The following ENPEP variants were observed in gnomAD, a reference collection of about 807,000 sequenced individuals.
ENPEP encodes glutamyl aminopeptidase, also known as AP-A.
Under a neutral mutation model 114.5 loss-of-function variants are expected in ENPEP, and 103 were observed. That is an observed-to-expected ratio of 0.90 (90% confidence interval 0.77 to 1.06). The LOEUF (loss-of-function observed/expected upper bound fraction) is 1.06. ENPEP is among the 50% of genes least tolerant of loss of function. The pLI is 0.00. For synonymous variants in ENPEP, 420 were observed against 422.0 expected (o/e 1.00, Z 0.06); for missense variants, 1,196 against 1,161.3 (o/e 1.03, Z -0.43).
chr4:110,519,055 G>A (rs1209667880), intron 8 of ENPEP: 1 of 455,572 alleles, frequency 2.2e-6, no homozygotes, highest in African/African-American at 2.0e-5. Context: ...AGTGATTGCT[G>A]CTTCTCCCTT....
chr4:110,492,550 A>G (rs1724767006), intron 3 of ENPEP, among the ~76,000 whole-genome samples: 1 of 152,174 alleles, frequency 6.6e-6, no homozygotes, highest in South Asian at 2.1e-4. Flanking sequence ...GGGGATGTCC[A>G]CAGACCTTTT....
chr4:110,548,067 C>A, intron 13 of ENPEP, 109 bp from the exon 14 acceptor site: 1 of 1,186,964 alleles, frequency 8.4e-7, no homozygotes, highest in Non-Finnish European at 1.1e-6. Context: ...TCCTCATTAA[C>A]ATGGAATGCT....
Position 110,485,909 on chromosome 4 carries a change from A to G in ENPEP, c.645-2632A>G, listed in dbSNP as rs187988598. 2.0e-3 allele frequency among the ~76,000 whole-genome samples: 309 copies of G among 152,206 alleles called. 1 individual carries two copies. The highest frequency in any genetic ancestry group is 7.1e-3 in the African/African-American group (294 of 41,516). On this transcript the variant is annotated intron_variant, in intron 1 of 19. Coordinates refer to ENST00000265162, the MANE Select transcript of ENPEP (RefSeq NM_001977.4). ...TTAGAGACACATTGTGCTGGTTTGA[A>G]CTATTATTACTGATGCTTCCTTTGA... is the stretch of plus-strand genomic sequence containing the variant.
At chr4:110,485,593 G>A (rs1239555617) in intron 1 of ENPEP, among the ~76,000 whole-genome samples, 1 of 152,130 alleles carries the variant, frequency 6.6e-6, no homozygotes, top group Non-Finnish European at 1.5e-5. Context: ...CTAACCTAAT[G>A]ATGTCTTTTT....
At chr4:110,541,884 A>G (rs1461073334) in intron 11 of ENPEP, among the ~76,000 whole-genome samples, 2 of 152,174 alleles carry the variant, frequency 1.3e-5, no homozygotes, top group African/African-American at 4.8e-5. Context: ...ATATAGGAGT[A>G]ACGCTAACGA....
Position 110,548,306 on chromosome 4 carries a change from G to A in ENPEP, c.2131G>A (p.Glu711Lys). 3 of 1,599,332 alleles carry A rather than the reference G, an allele frequency of 1.9e-6. No homozygotes were observed. Among genetic ancestry groups the A allele is most frequent in the Non-Finnish European group, 2.6e-6 (3 of 1,173,632 alleles). Residue 711 changes from glutamate (E) to lysine (K), a missense_variant, in exon 14 of 20, where the codon GAG (glutamate) becomes AAG (lysine). By Grantham distance (56) the Glu-to-Lys change is moderately conservative. Coordinates refer to ENST00000265162, the MANE Select transcript of ENPEP (RefSeq NM_001977.4). ...YIISMFEDDK[E>K]LYPMIEEYFQ... The stretch of plus-strand genomic sequence containing the variant: ...CATTAGCATGTTTGAAGATGATAAA[G>A]AGCTATATCCTATGATTGAGGTGAC...
chr4:110,548,599 AT>A (rs1177384138), intron 14 of ENPEP, among the ~76,000 whole-genome samples: 1 of 152,082 alleles, frequency 6.6e-6, no homozygotes, highest in Non-Finnish European at 1.5e-5. Context: ...TTTACTTAAA[AT>A]ATACAACATT....
At chr4:110,560,989 T>C (rs1363368387) in intron 19 of ENPEP, among the ~76,000 whole-genome samples, 2 of 152,158 alleles carry the variant, frequency 1.3e-5, no homozygotes, top group African/African-American at 2.4e-5. Flanking sequence ...TTATGAGTCC[T>C]TAATAAGTGA....
intron 3 of ENPEP, chr4:110,506,229 AGAAAG>A (rs1725365436): frequency 6.5e-6 from 1 of 154,896 alleles, no homozygotes; most frequent in African/African-American, 2.4e-5. Context: ...AAAGAGAAAG[AGAAAG>A]AGCGCGCAAG....
rs1026814191 is a variant in ENPEP, at chr4:110,520,349, G to T, written c.1710G>T (p.Gln570His). 20 of 1,613,804 alleles carry T rather than the reference G, an allele frequency of 1.2e-5. No individual in the cohort carries two copies. In the Admixed American group the frequency reaches 1.5e-4, roughly 12 times the overall value. The change falls in exon 10 of 20, where the codon CAG becomes CAT. Residue 570 changes from glutamine (Q) to histidine (H), a missense_variant. Coordinates refer to ENST00000265162, the MANE Select transcript of ENPEP (RefSeq NM_001977.4). ...FLLDPRANPS[Q>H]PPSDLGYTWN... ...TGGACCCAAGAGCTAACCCTTCTCA[G>T]CCCCCTTCAGATCTTGGGTAAGGCT...
In ENPEP at chr4:110,532,275, T is replaced by C. The variant is rs1191830705; in HGVS notation, c.1807+998T>C. ...TAGCTGTCATGCCTGCAGCCTCCCA[T>C]ATGCCCAGCCCTAAGCAACCACTAA... On this transcript the variant is annotated intron_variant, in intron 11 of 19. Transcript: ENST00000265162. Among the ~76,000 whole-genome samples the C allele has an allele frequency of 2.6e-5, 4 of 152,314 alleles. No individual in the cohort carries two copies. The East Asian group carries it at 7.7e-4, about 29-fold the overall frequency.
chr4:110,544,102 C>A (rs544246102), intron 13 of ENPEP, among the ~76,000 whole-genome samples: 16 of 151,860 alleles, frequency 1.1e-4, no homozygotes, highest in Non-Finnish European at 2.1e-4. Context: ...GTCAGAAAAC[C>A]TTGACATATT....
Position 110,562,708 on chromosome 4 carries a change from G to T in ENPEP, c.*1150G>T, listed in dbSNP as rs1009852542. On this transcript the variant is annotated 3_prime_UTR_variant, in exon 20 of 20. Transcript: ENST00000265162. ...TCAATTTCATAGAAGCTGGTGGCAA[G>T]AATATGTTTAATATGGCACTTGATA... 7.2e-5 allele frequency: 11 copies of T among 152,108 alleles called. No homozygotes were observed. Among genetic ancestry groups the T allele is most frequent in the Admixed American group, 5.2e-4 (8 of 15,262 alleles). The allele number at this position is 152,108 out of a possible 1,614,324, so 9.4% of individuals were successfully genotyped here. A position where few individuals can be genotyped will look rare whatever the true frequency, so the allele number is the denominator to read the frequency against.
At chr4:110,515,529 T>C in intron 8 of ENPEP, 87 bp downstream of exon 8, 2 of 1,132,142 alleles carry the variant, frequency 1.8e-6, no homozygotes, top group Non-Finnish European at 2.6e-6. Flanking sequence ...TAATCAAGGA[T>C]AATTTCCTTT....
At chr4:110,488,447 G>T in intron 1 of ENPEP, 94 bp from the exon 2 acceptor site, 1 of 1,390,950 alleles carries the variant, frequency 7.2e-7, no homozygotes, top group Admixed American at 3.2e-5. Context: ...AGTTATAATT[G>T]CATAGCTGAT....
chr4:110,484,742 T>C (rs1202373443), intron 1 of ENPEP, among the ~76,000 whole-genome samples: 1 of 139,606 alleles, frequency 7.2e-6, no homozygotes, highest in Non-Finnish European at 1.5e-5. Context: ...ATTATATATA[T>C]TATATTATAT....
intron 18 of ENPEP, among the ~76,000 whole-genome samples, chr4:110,558,031 G>A (rs1468878593): frequency 4.0e-5 from 1 of 25,158 alleles, no homozygotes; most frequent in Non-Finnish European, 6.4e-5. Context: ...TATATGGTAG[G>A]ATTTTTTTTT....
chr4:110,503,217 C>T (rs890115600), intron 3 of ENPEP, among the ~76,000 whole-genome samples: 1 of 152,124 alleles, frequency 6.6e-6, no homozygotes, highest in African/African-American at 2.4e-5. Flanking sequence ...ATCCATGTCC[C>T]TACAAAGGAC....
At chr4:110,488,946 G>A (rs887568323) in intron 2 of ENPEP, among the ~76,000 whole-genome samples, 7 of 152,192 alleles carry the variant, frequency 4.6e-5, no homozygotes, top group African/African-American at 1.7e-4. Flanking sequence ...CTTGGGCTCT[G>A]CTTAGCTGCC....
Sources: allele counts gnomAD v4.1 joint callset (sites outside exome capture counted in the v4.1 genomes callset), GRCh38; gene constraint gnomAD v4.1.1; transcripts MANE v1.5; gene names NCBI Gene and HGNC (gene_info 2026-07-23, HGNC 2026-07-21).